LRRIQ3: variants seen among roughly 807,000 people sequenced by gnomAD.
LRRIQ3 encodes leucine rich repeats and IQ motif containing 3, also known as leucine-rich repeat and IQ domain-containing protein 3.
In LRRIQ3, 75 loss-of-function variants were observed where a neutral mutation model predicts 59.3. That is an observed-to-expected ratio of 1.26 (90% CI 1.05 to 1.53). The LOEUF (loss-of-function observed/expected upper bound fraction) is 1.53. LRRIQ3 is among the 40% of genes most tolerant of loss of function. LRRIQ3 has a pLI of 0.00. For missense variants in LRRIQ3, 831 were observed against 710.0 expected (o/e 1.17, Z -1.94); for synonymous variants, 250 against 231.3 (o/e 1.08, Z -0.73).
intron 6 of LRRIQ3, among the ~76,000 whole-genome samples, chr1:74,073,055 C>A (rs1655071051): frequency 6.6e-6 from 1 of 152,092 alleles, no homozygotes; most frequent in Non-Finnish European, 1.5e-5. Flanking sequence ...TAAAATACCT[C>A]AAAAGTGTTA....
chr1:74,066,798 A>T (rs1654879073), intron 6 of LRRIQ3, among the ~76,000 whole-genome samples: 1 of 152,142 alleles, frequency 6.6e-6, no homozygotes, highest in Non-Finnish European at 1.5e-5. Context: ...ACAAAACAAA[A>T]GTTGATTTCT....
chr1:74,107,421 A>G (rs938968860), intron 5 of LRRIQ3, among the ~76,000 whole-genome samples: 6 of 151,832 alleles, frequency 4.0e-5, no homozygotes, highest in Admixed American at 3.3e-4. Context: ...AGATTTATCA[A>G]TTATCACTAT....
At chr1:74,137,348 A>G (rs1463532494) in intron 4 of LRRIQ3, among the ~76,000 whole-genome samples, 2 of 152,066 alleles carry the variant, frequency 1.3e-5, no homozygotes, top group African/African-American at 4.8e-5. Flanking sequence ...AAAAAAGCTC[A>G]TCATCACTGG....
At chr1:74,125,534 C>G (rs1390685233) in intron 4 of LRRIQ3, among the ~76,000 whole-genome samples, 1 of 151,658 alleles carries the variant, frequency 6.6e-6, no homozygotes, top group Non-Finnish European at 1.5e-5. Context: ...CATTCTATAT[C>G]TAGTTTATTT....
intron 5 of LRRIQ3, among the ~76,000 whole-genome samples, chr1:74,105,742 A>G (rs1018606809): frequency 6.6e-6 from 1 of 152,028 alleles, no homozygotes; most frequent in Non-Finnish European, 1.5e-5. Context: ...ATTTTATTTG[A>G]TCTTACAAAA....
At chr1:74,130,611 T>G (rs112867909) in intron 4 of LRRIQ3, among the ~76,000 whole-genome samples, 9 of 152,252 alleles carry the variant, frequency 5.9e-5, no homozygotes, top group African/African-American at 2.2e-4. Flanking sequence ...AAATGTGATT[T>G]TTTTTGTGCC....
rs751700744 is a variant in LRRIQ3, at chr1:74,114,734, TAA to T, written c.708-5183_708-5182del. ...TGGGCAACAGAGCGAGACTCCGTCTTAAAAAAAAAAAAAAAATGCACCAAGAA... is the reference window on the plus strand; with the variant it reads ...TGGGCAACAGAGCGAGACTCCGTCTTAAAAAAAAAAAAAATGCACCAAGAA... On this transcript the variant is annotated intron_variant, in intron 4 of 7. Coordinates refer to ENST00000354431, the MANE Select transcript of LRRIQ3 (RefSeq NM_001105659.2). Among the ~76,000 whole-genome samples the T allele has an allele frequency of 4.0e-3, 541 of 135,530 alleles. 4 individuals are homozygous for T. The highest frequency in any genetic ancestry group is 0.014 in the African/African-American group (512 of 36,758). 88.9% of individuals were successfully genotyped at this position (135,530 alleles called of 152,430 possible).
chr1:74,056,878 G>A (rs527602657), intron 6 of LRRIQ3, among the ~76,000 whole-genome samples: 3 of 152,206 alleles, frequency 2.0e-5, no homozygotes, highest in South Asian at 4.2e-4. Flanking sequence ...GGATCATGGA[G>A]GTGGTTTCTC....
intron 4 of LRRIQ3, among the ~76,000 whole-genome samples, chr1:74,128,164 T>C (rs1646963204): frequency 6.6e-6 from 1 of 152,078 alleles, no homozygotes; most frequent in African/African-American, 2.4e-5. Flanking sequence ...CTTTGACTTT[T>C]AGGTGTTTGA....
chr1:74,026,084 G>A lies in LRRIQ3; in HGVS notation c.*729C>T, dbSNP rs1223980420. On this transcript the variant is annotated 3_prime_UTR_variant, in exon 8 of 8. Transcript: ENST00000354431. ...TTGGTATGTATTAAACAGACTTATG[G>A]TTAATATATACCATTTCTGTATATT... is the stretch of plus-strand genomic sequence containing the variant. 6.6e-6 allele frequency: 1 copy of A among 151,682 alleles called. No individual in the cohort carries two copies. Among genetic ancestry groups the A allele is most frequent in the African/African-American group, 2.4e-5 (1 of 41,350 alleles). The allele number at this position is 151,682 out of a possible 1,614,324, so 9.4% of individuals were successfully genotyped here.
chr1:74,146,129 T>C (rs1379694417), intron 4 of LRRIQ3, among the ~76,000 whole-genome samples: 2 of 152,152 alleles, frequency 1.3e-5, no homozygotes, highest in East Asian at 1.9e-4. Context: ...CTAAGTGTAG[T>C]AGGCTATATA....
chr1:74,065,556 C>T (rs1032083), intron 6 of LRRIQ3, among the ~76,000 whole-genome samples: 5,105 of 152,108 alleles, frequency 0.034, 308 homozygotes, highest in African/African-American at 0.12. Context: ...CCATAGTTAA[C>T]GTGAGGTCAA....
At chr1:74,148,925 G>A (rs1337518158) in intron 4 of LRRIQ3, among the ~76,000 whole-genome samples, 1 of 152,124 alleles carries the variant, frequency 6.6e-6, no homozygotes, top group East Asian at 1.9e-4. Context: ...ACACATTTTA[G>A]TCAACATGGT....
intron 5 of LRRIQ3, among the ~76,000 whole-genome samples, chr1:74,080,051 A>C (rs1174692015): frequency 6.6e-6 from 1 of 151,672 alleles, no homozygotes; most frequent in East Asian, 1.9e-4. Flanking sequence ...CTATCAACTT[A>C]TCAATTTCTG....
intron 3 of LRRIQ3, among the ~76,000 whole-genome samples, chr1:74,156,226 T>C (rs1648318930): frequency 6.6e-6 from 1 of 152,140 alleles, no homozygotes; most frequent in Non-Finnish European, 1.5e-5. Flanking sequence ...TCTCACCATG[T>C]GACTTGCCTG....
At chr1:74,187,124 C>T (rs1485553734) in intron 1 of LRRIQ3, among the ~76,000 whole-genome samples, 1 of 151,948 alleles carries the variant, frequency 6.6e-6, no homozygotes, top group Non-Finnish European at 1.5e-5. Flanking sequence ...TATGGAAATT[C>T]CTTAAGGAAC....
chr1:74,089,234 A>T (rs1403110333), intron 5 of LRRIQ3, among the ~76,000 whole-genome samples: 1 of 152,106 alleles, frequency 6.6e-6, no homozygotes, highest in East Asian at 1.9e-4. Flanking sequence ...TACAACTGCT[A>T]TGGAAAACTG....
chr1:74,081,607 A>T (rs1168972524), intron 5 of LRRIQ3, among the ~76,000 whole-genome samples: 1 of 151,756 alleles, frequency 6.6e-6, no homozygotes, highest in Non-Finnish European at 1.5e-5. Context: ...TAAGTAAAAG[A>T]AAGGACATGG....
chr1:74,056,742 G>T (rs1654546730), intron 6 of LRRIQ3, among the ~76,000 whole-genome samples: 2 of 152,106 alleles, frequency 1.3e-5, no homozygotes, highest in Non-Finnish European at 2.9e-5. Context: ...AAACTATCCT[G>T]TGTTCATGGA....
Sources: gnomAD v4.1 joint callset for allele counts (sites outside exome capture counted in the v4.1 genomes callset) on GRCh38, gnomAD v4.1.1 for gene constraint, MANE v1.5 for transcripts, NCBI Gene and HGNC (gene_info 2026-07-23, HGNC 2026-07-21) for gene names.